Variants in DST observed in about 807,000 individuals in gnomAD.
The protein encoded by DST is dystonin.
In DST, 253 loss-of-function variants were observed where a neutral mutation model predicts 875.2. The observed-to-expected ratio is 0.29, with a 90% CI of 0.26 to 0.32. The LOEUF is 0.32. Among genes scored for constraint, DST ranks in the 10% least tolerant of loss-of-function variants. The pLI is 1.00. For synonymous variants in DST, 3,124 were observed against 3,197.1 expected (o/e 0.98, Z 0.77); for missense variants, 8,287 against 9,111.6 (o/e 0.91, Z 3.68).
chr6:56,506,430 G>A lies in DST; in HGVS notation c.19464+13C>T. 1 of 1,603,994 alleles carries A rather than the reference G, an allele frequency of 6.2e-7. No homozygotes were observed. Among genetic ancestry groups the A allele is most frequent in the East Asian group, 2.2e-5 (1 of 44,738 alleles). On this transcript the variant is annotated intron_variant, in intron 77 of 103. Transcript: ENST00000680361. ...TCCAGCTAAGACCAGCACATACACT[G>A]TAATCCCCTTACCTGCAGTCCATCC... is the stretch of plus-strand genomic sequence containing the variant.
intron 9 of DST, among the ~76,000 whole-genome samples, chr6:56,674,321 G>A (rs918894488): frequency 2.0e-5 from 3 of 150,298 alleles, no homozygotes; most frequent in African/African-American, 7.4e-5. Context: ...TTTTTAAGAC[G>A]GAGTCTCACT....
chr6:56,721,158 C>T (rs1302447617), intron 5 of DST, among the ~76,000 whole-genome samples: 1 of 149,544 alleles, frequency 6.7e-6, no homozygotes, highest in Non-Finnish European at 1.5e-5. Context: ...GCCCCCCCCA[C>T]CTCCCAGATG....
intron 4 of DST, among the ~76,000 whole-genome samples, chr6:56,806,615 A>G (rs1184242874): frequency 6.6e-6 from 1 of 152,202 alleles, no homozygotes; most frequent in East Asian, 1.9e-4. Context: ...GGGAGCCCTG[A>G]GCAGCTGCTA....
At chr6:56,642,907 G>C (rs1198807004) in intron 15 of DST, 6 of 1,557,396 alleles carry the variant, frequency 3.9e-6, no homozygotes, top group Non-Finnish European at 4.3e-6. Context: ...ACAGCTTTTA[G>C]TGGCTCCTTA....
Position 56,601,528 on chromosome 6 carries a change from A to T in DST, c.11456T>A (p.Phe3819Tyr). The change falls in exon 44 of 104, where the codon TTT becomes TAT. Residue 3819 changes from phenylalanine to tyrosine, a missense_variant. Phe to Tyr is a conservative substitution (Grantham distance 22). Coordinates refer to ENST00000680361, the MANE Select transcript of DST (RefSeq NM_001374736.1). ...LRLLNTTQKC[F>Y]LDVQESVTTQ... ...AGTTACTGACTCCTGTACATCAAGA[A>T]AACACTTCTGAGTTGTATTTAAGAG... 6.2e-7 allele frequency: 1 copy of T among 1,606,460 alleles called. No individual in the cohort carries two copies. Among genetic ancestry groups the T allele is most frequent in the Non-Finnish European group, 8.5e-7 (1 of 1,176,642 alleles).
intron 4 of DST, among the ~76,000 whole-genome samples, chr6:56,789,588 C>G (rs750240253): frequency 6.6e-6 from 1 of 152,078 alleles, no homozygotes; most frequent in Non-Finnish European, 1.5e-5. Flanking sequence ...ATGCTATACT[C>G]GTTAAACAAC....
At chr6:56,642,556 T>G (rs914447067) in intron 15 of DST, 53 bp from the exon 16 acceptor site, 9 of 1,606,530 alleles carry the variant, frequency 5.6e-6, no homozygotes, top group Non-Finnish European at 7.7e-6. Flanking sequence ...GTCAAAGAGC[T>G]CACCATTCCT....
chr6:56,891,521 GA>G (rs1488822547), intron 3 of DST, among the ~76,000 whole-genome samples: 36 of 145,394 alleles, frequency 2.5e-4, no homozygotes, highest in African/African-American at 8.3e-4. Flanking sequence ...AGCCGAGATT[GA>G]GCCACTGCAC....
intron 2 of DST, among the ~76,000 whole-genome samples, chr6:56,939,010 C>T (rs887787985): frequency 2.0e-5 from 3 of 152,208 alleles, no homozygotes; most frequent in African/African-American, 7.2e-5. Flanking sequence ...TAAATGGTTA[C>T]AAAGAAGCAG....
intron 2 of DST, among the ~76,000 whole-genome samples, chr6:56,937,885 G>A (rs1276864038): frequency 6.6e-6 from 1 of 152,060 alleles, no homozygotes. Flanking sequence ...TAAGCTACAT[G>A]AAAGAAGCCA....
At chr6:56,817,088 AACACAC>A (rs55717102) in intron 4 of DST, among the ~76,000 whole-genome samples, 1 of 149,250 alleles carries the variant, frequency 6.7e-6, no homozygotes, top group Middle Eastern at 3.2e-3. Flanking sequence ...AAGCCACTTA[AACACAC>A]ACACACACAC....
At chr6:56,720,994 C>T (rs1404428979) in intron 5 of DST, among the ~76,000 whole-genome samples, 1 of 150,336 alleles carries the variant, frequency 6.7e-6, no homozygotes, top group East Asian at 1.9e-4. Flanking sequence ...CGCCACCTTC[C>T]AGACGGGGCG....
chr6:56,894,366 C>A (rs1789692274), intron 3 of DST, among the ~76,000 whole-genome samples: 1 of 104,668 alleles, frequency 9.6e-6, no homozygotes, highest in East Asian at 2.6e-4. Flanking sequence ...CTGTTCCCCC[C>A]ACCTCCCTCC....
At chr6:56,463,234 C>G in intron 101 of DST, 78 bp from the exon 102 acceptor site, 2 of 801,938 alleles carry the variant, frequency 2.5e-6, no homozygotes, top group Non-Finnish European at 2.1e-6. Flanking sequence ...ATATTCATAG[C>G]AAAGAGTCAC....
intron 54 of DST, 112 bp from the exon 55 acceptor site, chr6:56,568,707 G>T: frequency 1.0e-6 from 1 of 966,200 alleles, no homozygotes; most frequent in Non-Finnish European, 1.5e-6. Context: ...ACCCTGATTT[G>T]TGAGGGAGTC....
At chr6:56,536,968 G>A in intron 61 of DST, 28 bp from the exon 62 acceptor site, 1 of 1,601,708 alleles carries the variant, frequency 6.2e-7, no homozygotes, top group Non-Finnish European at 8.5e-7. Flanking sequence ...ATAATTATAT[G>A]AGTTATATTA....
Position 56,573,726 on chromosome 6 carries a change from C to G in DST, c.13189G>C (p.Val4397Leu). Residue 4397 changes from valine to leucine, a missense_variant, in exon 51 of 104, where the codon GTG (valine) becomes CTG (leucine). Val to Leu is a conservative substitution (Grantham distance 32). Around this residue, in one of 10 missense-constraint regions of DST, gnomAD observed 1,513 missense variants for 1,677.8 expected, o/e 0.90. Coordinates refer to ENST00000680361, the MANE Select transcript of DST (RefSeq NM_001374736.1). ...TGAAGAGCAGTAGAGTTTAAAGGCA[C>G]TTGACCTTGTTCTTTCAGAGAACTT... ...VESSLKEQGQ[V>L]PLNSTALQDI... 2.5e-6 allele frequency: 4 copies of G among 1,613,654 alleles called. No homozygotes were observed. The highest frequency in any genetic ancestry group is 3.4e-6 in the Non-Finnish European group (4 of 1,179,686).
intron 49 of DST, 22 bp downstream of exon 49, chr6:56,592,160 G>T: frequency 6.2e-7 from 1 of 1,605,574 alleles, no homozygotes; most frequent in East Asian, 2.2e-5. Context: ...CTGGAAATGT[G>T]GATCTTTCTC....
At chr6:56,798,784 T>C (rs2099743386) in intron 4 of DST, among the ~76,000 whole-genome samples, 1 of 152,154 alleles carries the variant, frequency 6.6e-6, no homozygotes, top group African/African-American at 2.4e-5. Context: ...CTAGATACCA[T>C]TAAGAACATT....
Sources: gnomAD v4.1 joint callset for allele counts (sites outside exome capture counted in the v4.1 genomes callset) on GRCh38, gnomAD v4.1.1 for gene constraint, gnomAD v4.1.1 regional missense constraint, MANE v1.5 for transcripts, NCBI Gene and HGNC (gene_info 2026-07-23, HGNC 2026-07-21) for gene names.